Variants in CDH3 observed in about 807,000 individuals in gnomAD.
CDH3 encodes the protein cadherin 3.
CDH3 carries 54 observed loss-of-function variants against 82.0 expected under a neutral mutation model. That is an observed-to-expected ratio of 0.66 (90% CI 0.53 to 0.83). The LOEUF is 0.83. CDH3 is among the 40% of genes least tolerant of loss of function. CDH3 has a pLI of 0.00. For missense variants in CDH3, 1,054 were observed against 1,084.6 expected (o/e 0.97, Z 0.40); for synonymous variants, 446 against 437.9 (o/e 1.02, Z -0.23).
intron 12 of CDH3, among the ~76,000 whole-genome samples, chr16:68,689,809 C>T (rs970174534): frequency 2.7e-5 from 4 of 150,544 alleles, no homozygotes; most frequent in African/African-American, 9.8e-5. Flanking sequence ...AACTTGAAAT[C>T]TGTGCTGAGA....
intron 2 of CDH3, among the ~76,000 whole-genome samples, chr16:68,723,391 C>CT (rs898112827): frequency 1.3e-5 from 2 of 152,114 alleles, no homozygotes; most frequent in Non-Finnish European, 2.9e-5. Context: ...ATTCCGTAAA[C>CT]ACCCCTTGCT....
chr16:68,663,626 A>G (rs2152094292), intron 2 of CDH3, among the ~76,000 whole-genome samples: 1 of 152,134 alleles, frequency 6.6e-6, no homozygotes, highest in East Asian at 1.9e-4. Flanking sequence ...GCACCCATTT[A>G]TACTAAAGAT....
In CDH3 at chr16:68,648,277, G is replaced by A. The variant is rs1960136475; in HGVS notation, c.160+2527G>A. On this transcript the variant is annotated intron_variant, in intron 2 of 15. Transcript: ENST00000264012. ...TTTTACCTCCTGGTATATGCCCAGG[G>A]CCTGGTACCTTACAGGATGCCCAGT... Among the ~76,000 whole-genome samples, 4 of 152,236 alleles carry A rather than the reference G, an allele frequency of 2.6e-5. No homozygotes were observed. In the South Asian group the frequency reaches 6.2e-4, roughly 24 times the overall value.
intron 3 of CDH3, 61 bp downstream of exon 3, chr16:68,676,531 G>T: frequency 7.4e-7 from 1 of 1,356,060 alleles, no homozygotes; most frequent in South Asian, 1.2e-5. Flanking sequence ...TGCCCAAATT[G>T]CTGGCCAGGA....
At chr16:68,680,100 T>G in intron 7 of CDH3, 126 bp downstream of exon 7, 1 of 898,022 alleles carries the variant, frequency 1.1e-6, no homozygotes, top group Non-Finnish European at 1.8e-6. Flanking sequence ...CCACGTCAGC[T>G]GGGATGGCCA....
intron 1 of CDH3, among the ~76,000 whole-genome samples, chr16:68,720,693 G>GCAA (rs1481047711): frequency 1.3e-5 from 2 of 150,264 alleles, no homozygotes; most frequent in Non-Finnish European, 2.9e-5. Flanking sequence ...TCAGTTCACT[G>GCAA]CAACATCTGC....
At chr16:68,701,747 C>T (rs139886086), downstream of CDH3, among the ~76,000 whole-genome samples, 636 of 151,778 alleles carry the variant, frequency 4.2e-3, 8 homozygotes, top group African/African-American at 0.015. Flanking sequence ...ATTTTTGGGC[C>T]GGGCGCGGTG....
At chr16:68,724,714 A>G (rs1962201078) in intron 2 of CDH3, among the ~76,000 whole-genome samples, 1 of 152,162 alleles carries the variant, frequency 6.6e-6, no homozygotes, top group African/African-American at 2.4e-5. Flanking sequence ...ACATGAATAA[A>G]TAAATGGTGT....
chr16:68,678,649 A>G lies in CDH3; in HGVS notation c.539A>G (p.Lys180Arg). 6.2e-7 allele frequency: 1 copy of G among 1,614,222 alleles called. No individual in the cohort carries two copies. Among genetic ancestry groups the G allele is most frequent in the South Asian group, 1.1e-5 (1 of 91,082 alleles). Reference sequence around the variant, plus strand: ...CCACTGGACCGGGAGGAGATTGCCAAGTATGAGGCAAGTAGCCTTTAGTGT... The same window carrying G: ...CCACTGGACCGGGAGGAGATTGCCAGGTATGAGGCAAGTAGCCTTTAGTGT... ...NKPLDREEIA[K>R]YELFGHAVSE... The change falls in exon 5 of 16, where the codon AAG (lysine) becomes AGG (arginine). Residue 180 changes from lysine (K) to arginine (R), a missense_variant. Lys to Arg is a conservative substitution (Grantham distance 26). Transcript: ENST00000264012.
intron 2 of CDH3, chr16:68,651,585 A>G (rs1437919059): frequency 1.6e-5 from 8 of 498,610 alleles, no homozygotes; most frequent in Non-Finnish European, 2.8e-5. Flanking sequence ...CAGGGCAAGA[A>G]GAGACACCTG....
intron 2 of CDH3, among the ~76,000 whole-genome samples, chr16:68,723,064 T>TA (rs897470696): frequency 2.8e-5 from 4 of 142,292 alleles, no homozygotes; most frequent in African/African-American, 1.0e-4. Flanking sequence ...TTTTTTTTTT[T>TA]ATCTTTTAGA....
chr16:68,671,961 A>T (rs762265940), intron 2 of CDH3, among the ~76,000 whole-genome samples: 2 of 152,194 alleles, frequency 1.3e-5, no homozygotes, highest in African/African-American at 2.4e-5. Flanking sequence ...GGACCTGCAG[A>T]AAAATTGAGA....
chr16:68,702,215 C>A (rs1961906080), downstream of CDH3, among the ~76,000 whole-genome samples: 3 of 152,050 alleles, frequency 2.0e-5, no homozygotes, highest in Non-Finnish European at 1.5e-5. Context: ...TGCATTATAC[C>A]TTTTCATAAC....
chr16:68,645,872 G>A (rs919627333), intron 2 of CDH3, 122 bp downstream of exon 2: 130 of 705,622 alleles, frequency 1.8e-4, no homozygotes, highest in Non-Finnish European at 2.8e-4. Context: ...TCCCGGGGAG[G>A]CGCAGAACGC....
At chr16:68,650,701 G>A (rs1960215233) in intron 2 of CDH3, among the ~76,000 whole-genome samples, 1 of 152,074 alleles carries the variant, frequency 6.6e-6, no homozygotes, top group South Asian at 2.1e-4. Flanking sequence ...GGAAACCTTC[G>A]GGGACCAGTT....
At chr16:68,664,585 C>G (rs1313935366) in intron 2 of CDH3, among the ~76,000 whole-genome samples, 1 of 152,136 alleles carries the variant, frequency 6.6e-6, no homozygotes, top group Non-Finnish European at 1.5e-5. Flanking sequence ...ACATTAAGCC[C>G]TCTTTGAAGA....
rs986948620 is a variant in CDH3, at chr16:68,699,984, A to G, written c.*1584A>G. 2 of 152,120 alleles carry G rather than the reference A, an allele frequency of 1.3e-5. No individual in the cohort carries two copies. Among genetic ancestry groups the G allele is most frequent in the South Asian group, 4.1e-4 (2 of 4,830 alleles). The allele number at this position is 152,120 out of a possible 1,614,324, so 9.4% of individuals were successfully genotyped here. A position where few individuals can be genotyped will look rare whatever the true frequency, so the allele number is the denominator to read the frequency against. On this transcript the variant is annotated 3_prime_UTR_variant, in exon 16 of 16. Coordinates refer to ENST00000264012, the MANE Select transcript of CDH3 (RefSeq NM_001793.6). Reference sequence around the variant, plus strand: ...TTATTTCCTCTAAATCCTCACAATCACCCTCTGAGGGGACTTTCTCCTTTA... The same window carrying G: ...TTATTTCCTCTAAATCCTCACAATCGCCCTCTGAGGGGACTTTCTCCTTTA...
At chr16:68,730,058 C>A (rs28871723), downstream of CDH3, among the ~76,000 whole-genome samples, 36,538 of 151,398 alleles carry the variant, frequency 0.24, 4,719 homozygotes, top group Admixed American at 0.29. Flanking sequence ...GATGGTGAAA[C>A]CCTGTCTCTA....
chr16:68,719,974 T>G (rs1164781489), intron 1 of CDH3, among the ~76,000 whole-genome samples: 1 of 151,880 alleles, frequency 6.6e-6, no homozygotes, highest in Non-Finnish European at 1.5e-5. Context: ...GGCAACATAG[T>G]GAAACCTCTT....
Sources: allele counts gnomAD v4.1 joint callset (sites outside exome capture counted in the v4.1 genomes callset), GRCh38; gene constraint gnomAD v4.1.1; transcripts MANE v1.5; gene names NCBI Gene and HGNC (gene_info 2026-07-23, HGNC 2026-07-21).